Variants in RPSA2 observed in about 807,000 individuals in gnomAD.
The protein encoded by RPSA2 is small ribosomal subunit protein uS2B.
the RPSA2 span, among the ~76,000 whole-genome samples, chr19:23,830,815 A>G: frequency 6.6e-6 from 1 of 151,396 alleles, no homozygotes; most frequent in Non-Finnish European, 1.5e-5. Flanking sequence ...TTTTGCTGGG[A>G]TCATATTGCC....
the RPSA2 span, among the ~76,000 whole-genome samples, chr19:23,772,305 A>G: frequency 0.32 from 49,216 of 151,816 alleles, 8,302 homozygotes; most frequent in Non-Finnish European, 0.38. Flanking sequence ...GAATTGTAAC[A>G]TATCCCTGGC....
chr19:23,780,322 T>G, the RPSA2 span, among the ~76,000 whole-genome samples: 9 of 152,144 alleles, frequency 5.9e-5, no homozygotes, highest in Non-Finnish European at 1.3e-4. Flanking sequence ...GCCATAATTC[T>G]CATGCACAGA....
chr19:23,858,276 T>A, the RPSA2 span, among the ~76,000 whole-genome samples: 1 of 86,326 alleles, frequency 1.2e-5, no homozygotes. Context: ...GGGGGGTGGG[T>A]GATGAGAAAT....
At chr19:23,833,064 A>C in the RPSA2 span, 1 of 1,326,556 alleles carries the variant, frequency 7.5e-7, no homozygotes, top group Non-Finnish European at 9.8e-7. Context: ...ACAAGTGTGA[A>C]GAATGTGGCA....
the RPSA2 span, among the ~76,000 whole-genome samples, chr19:23,828,224 C>T: frequency 6.7e-6 from 1 of 149,036 alleles, no homozygotes; most frequent in Non-Finnish European, 1.5e-5. Flanking sequence ...TTTTATTAGT[C>T]TACTTTTTCA....
At chr19:23,761,698 T>C in the RPSA2 span, among the ~76,000 whole-genome samples, 1 of 151,904 alleles carries the variant, frequency 6.6e-6, no homozygotes, top group South Asian at 2.1e-4. Flanking sequence ...AACTAGCAAA[T>C]CAAATCAGGA....
chr19:23,789,015 C>CTTTATTTTT, the RPSA2 span, among the ~76,000 whole-genome samples: 1 of 10,892 alleles, frequency 9.2e-5, no homozygotes, highest in Non-Finnish European at 2.5e-4. Flanking sequence ...TCTTTTTTTT[C>CTTTATTTTT]TTTCTTTCTT....
the RPSA2 span, among the ~76,000 whole-genome samples, chr19:23,867,333 A>G: frequency 1.3e-5 from 2 of 152,206 alleles, no homozygotes; most frequent in Non-Finnish European, 1.5e-5. Flanking sequence ...ACAATCATGT[A>G]CTTTCCAGCC....
At chr19:23,771,859 C>T in the RPSA2 span, among the ~76,000 whole-genome samples, 35 of 152,180 alleles carry the variant, frequency 2.3e-4, no homozygotes, top group African/African-American at 8.2e-4. Flanking sequence ...TGTAAATCTC[C>T]TGTATGGGCC....
chr19:23,803,993 C>A, the RPSA2 span, among the ~76,000 whole-genome samples: 1 of 151,976 alleles, frequency 6.6e-6, no homozygotes, highest in African/African-American at 2.4e-5. Flanking sequence ...TTATTGAACA[C>A]AGTATAAACT....
At chr19:23,766,457 T>G in the RPSA2 span, among the ~76,000 whole-genome samples, 1 of 150,266 alleles carries the variant, frequency 6.7e-6, no homozygotes, top group African/African-American at 2.4e-5. Flanking sequence ...GCTAATTTTT[T>G]TTTTTTTTTT....
the RPSA2 span, among the ~76,000 whole-genome samples, chr19:23,826,735 G>C: frequency 6.6e-6 from 1 of 152,080 alleles, no homozygotes; most frequent in Non-Finnish European, 1.5e-5. Flanking sequence ...ACCTAGGCTG[G>C]AGTGCAGTGG....
At chr19:23,802,636 G>T in the RPSA2 span, among the ~76,000 whole-genome samples, 2 of 152,180 alleles carry the variant, frequency 1.3e-5, no homozygotes, top group Non-Finnish European at 2.9e-5. Context: ...CCAGATGAGA[G>T]TTTCTCTGGT....
chr19:23,767,926 C>A, the RPSA2 span, among the ~76,000 whole-genome samples: 3 of 151,830 alleles, frequency 2.0e-5, no homozygotes, highest in Admixed American at 1.3e-4. Flanking sequence ...ACCAGCATGC[C>A]CAGCTAATTT....
At chr19:23,866,767 T>G in the RPSA2 span, among the ~76,000 whole-genome samples, 1 of 152,126 alleles carries the variant, frequency 6.6e-6, no homozygotes, top group Non-Finnish European at 1.5e-5. Flanking sequence ...AAGTGCAGGA[T>G]TAGATATCCC....
At chr19:23,821,214 T>C in the RPSA2 span, among the ~76,000 whole-genome samples, 4 of 152,344 alleles carry the variant, frequency 2.6e-5, no homozygotes, top group East Asian at 7.7e-4. Flanking sequence ...TAGAGTTAGT[T>C]TGTCAGCTTC....
At chr19:23,769,560 T>C in the RPSA2 span, among the ~76,000 whole-genome samples, 33 of 152,326 alleles carry the variant, frequency 2.2e-4, no homozygotes, top group Non-Finnish European at 4.7e-4. Flanking sequence ...GCCAGGCTGG[T>C]CTCAAATTCC....
chr19:23,823,404 T>C, the RPSA2 span, among the ~76,000 whole-genome samples: 3 of 152,188 alleles, frequency 2.0e-5, no homozygotes, highest in Non-Finnish European at 1.5e-5. Flanking sequence ...CCATAAGCCG[T>C]ATGTGGATTG....
the RPSA2 span, among the ~76,000 whole-genome samples, chr19:23,852,361 C>T: frequency 1.3e-5 from 2 of 152,064 alleles, no homozygotes; most frequent in African/African-American, 4.8e-5. Flanking sequence ...CACACACACA[C>T]ACACAAATAT....
Sources: allele counts gnomAD v4.1 joint callset (sites outside exome capture counted in the v4.1 genomes callset), GRCh38; gene constraint gnomAD v4.1.1; transcripts MANE v1.5; gene names NCBI Gene and HGNC (gene_info 2026-07-23, HGNC 2026-07-21).